The following ADAM32 variants were observed in gnomAD, a reference collection of about 807,000 sequenced individuals.
ADAM32 encodes ADAM metallopeptidase domain 32.
Under a neutral mutation model 114.9 loss-of-function variants are expected in ADAM32, and 89 were observed. That is an observed-to-expected ratio of 0.77 (90% CI 0.65 to 0.92). The LOEUF (loss-of-function observed/expected upper bound fraction) is 0.92. Among genes scored for constraint, ADAM32 ranks in the 40% least tolerant of loss-of-function variants. The pLI is 0.00. For synonymous variants in ADAM32, 285 were observed against 307.5 expected (o/e 0.93, Z 0.77); for missense variants, 870 against 932.8 (o/e 0.93, Z 0.88).
chr8:39,224,942 C>T (rs948791787), intron 14 of ADAM32, among the ~76,000 whole-genome samples: 1 of 152,076 alleles, frequency 6.6e-6, no homozygotes, highest in Non-Finnish European at 1.5e-5. Context: ...TGGTTATGAA[C>T]AAAGAAGGGA....
intron 9 of ADAM32, chr8:39,167,704 TA>T (rs1208392187): frequency 6.6e-6 from 1 of 152,226 alleles, no homozygotes; most frequent in Non-Finnish European, 1.5e-5. Flanking sequence ...TTGTGTCATC[TA>T]TGATTTCTTT....
chr8:39,211,770 AC>A (rs1277293748), intron 12 of ADAM32, among the ~76,000 whole-genome samples: 3 of 152,158 alleles, frequency 2.0e-5, no homozygotes, highest in African/African-American at 7.2e-5. Context: ...TGATAGGGAA[AC>A]CCTGAAAATA....
At chr8:39,120,338 G>C (rs1408747552) in intron 2 of ADAM32, among the ~76,000 whole-genome samples, 2 of 152,186 alleles carry the variant, frequency 1.3e-5, no homozygotes, top group African/African-American at 4.8e-5. Flanking sequence ...ACTGTTGGTA[G>C]AAATATGGAT....
intron 10 of ADAM32, among the ~76,000 whole-genome samples, chr8:39,179,361 A>T (rs1805711110): frequency 6.6e-6 from 1 of 152,192 alleles, no homozygotes; most frequent in African/African-American, 2.4e-5. Flanking sequence ...GTGGGTCTTA[A>T]CTTGAGAGGT....
At chr8:39,187,480 C>T (rs575361661) in intron 11 of ADAM32, among the ~76,000 whole-genome samples, 2 of 152,046 alleles carry the variant, frequency 1.3e-5, no homozygotes, top group Non-Finnish European at 2.9e-5. Flanking sequence ...ACCATGTTAG[C>T]CAGGATGGTC....
intron 1 of ADAM32, chr8:39,108,252 C>T (rs1840010155): frequency 6.3e-6 from 1 of 157,726 alleles, no homozygotes; most frequent in Non-Finnish European, 1.4e-5. Flanking sequence ...CCCCACTGGA[C>T]TCCAGCCTGG....
chr8:39,254,180 G>A (rs1283477339), intron 17 of ADAM32, among the ~76,000 whole-genome samples: 1 of 148,812 alleles, frequency 6.7e-6, no homozygotes, highest in African/African-American at 2.5e-5. Context: ...ATTTCAAGGT[G>A]TCAAATTTTC....
intron 16 of ADAM32, among the ~76,000 whole-genome samples, chr8:39,237,602 GCCGGCTTTC>G (rs1299743752): frequency 2.0e-5 from 3 of 152,150 alleles, no homozygotes; most frequent in South Asian, 4.1e-4. Flanking sequence ...ACCTGTCACT[GCCGGCTTTC>G]CCCCACTTCC....
intron 12 of ADAM32, 196 bp from the exon 13 acceptor site, chr8:39,221,414 A>G (rs1434841086): frequency 1.9e-6 from 1 of 528,480 alleles, no homozygotes; most frequent in African/African-American, 1.9e-5. Context: ...GTAGGTTACT[A>G]GTTACTCTCT....
At chr8:39,124,119 T>C (rs1459645663) in intron 2 of ADAM32, among the ~76,000 whole-genome samples, 3 of 151,920 alleles carry the variant, frequency 2.0e-5, no homozygotes, top group Non-Finnish European at 2.9e-5. Flanking sequence ...GCACATATCA[T>C]CCCATCACCT....
rs570389108 is a variant in ADAM32 at position 39,205,345 on chromosome 8, C to G, written c.1053-5799C>G. On this transcript the variant is annotated intron_variant, in intron 11 of 24. Transcript: ENST00000379907. ...GCAATGGCAGGCGCCCCTCCCCCAG[C>G]CTCGCTGCCACCTTGCAGTTCCATC... is the stretch of plus-strand genomic sequence containing the variant. Among the ~76,000 whole-genome samples the G allele has an allele frequency of 2.5e-3, 375 of 152,350 alleles. 1 individual carries two copies. The highest frequency in any genetic ancestry group is 5.2e-3 in the South Asian group (25 of 4,824).
intron 19 of ADAM32, 90 bp downstream of exon 19, chr8:39,257,433 T>C: frequency 7.1e-7 from 1 of 1,400,842 alleles, no homozygotes; most frequent in Non-Finnish European, 9.6e-7. Context: ...AGCAATACTT[T>C]ACATATCACT....
At chr8:39,238,968 T>C (rs1273243293) in intron 16 of ADAM32, among the ~76,000 whole-genome samples, 3 of 152,204 alleles carry the variant, frequency 2.0e-5, no homozygotes, top group East Asian at 3.9e-4. Context: ...TGAGGAAGAA[T>C]AGAAATCCTA....
At chr8:39,269,250 T>C (rs2129451219) in intron 19 of ADAM32, among the ~76,000 whole-genome samples, 1 of 152,352 alleles carries the variant, frequency 6.6e-6, no homozygotes, top group South Asian at 2.1e-4. Context: ...CATTACAGCC[T>C]GAAAACTCTC....
intron 6 of ADAM32, among the ~76,000 whole-genome samples, chr8:39,155,377 C>A (rs1438752698): frequency 6.6e-6 from 1 of 152,162 alleles, no homozygotes; most frequent in African/African-American, 2.4e-5. Context: ...ATGCATAGAG[C>A]AAAGTGGCAA....
intron 2 of ADAM32, among the ~76,000 whole-genome samples, chr8:39,120,623 G>T (rs796496694): frequency 3.3e-5 from 5 of 152,054 alleles, no homozygotes; most frequent in African/African-American, 1.2e-4. Flanking sequence ...TTAGCTGGAC[G>T]TGGTGGCAGG....
chr8:39,143,349 C>T (rs558842309), intron 3 of ADAM32, among the ~76,000 whole-genome samples: 15 of 152,136 alleles, frequency 9.9e-5, no homozygotes, highest in Non-Finnish European at 1.8e-4. Context: ...TGTGGTTTTA[C>T]CTACCTTTAG....
intron 3 of ADAM32, among the ~76,000 whole-genome samples, chr8:39,145,961 G>A (rs1803482582): frequency 6.6e-6 from 1 of 151,974 alleles, no homozygotes; most frequent in Non-Finnish European, 1.5e-5. Context: ...GAACTCCTGA[G>A]CCCAAAGCAA....
chr8:39,188,054 G>C (rs935130919), intron 11 of ADAM32, among the ~76,000 whole-genome samples: 9 of 151,676 alleles, frequency 5.9e-5, no homozygotes, highest in African/African-American at 2.2e-4. Context: ...AAGGTCAAAG[G>C]TCAAAAGTGA....
Sources: gnomAD v4.1 joint callset for allele counts (sites outside exome capture counted in the v4.1 genomes callset) on GRCh38, gnomAD v4.1.1 for gene constraint, MANE v1.5 for transcripts, NCBI Gene and HGNC (gene_info 2026-07-23, HGNC 2026-07-21) for gene names.